The following CAMK2D variants were observed in gnomAD, a reference collection of about 807,000 sequenced individuals.
CAMK2D encodes calcium/calmodulin-dependent protein kinase type II subunit delta.
In CAMK2D, 37 loss-of-function variants were observed where a neutral mutation model predicts 84.0. That is an observed-to-expected ratio of 0.44 (90% CI 0.34 to 0.58). CAMK2D has a LOEUF of 0.58. Ranked by LOEUF, CAMK2D falls within the 20% of genes least tolerant of loss-of-function variation. The pLI is 0.02. For missense variants in CAMK2D, 448 were observed against 652.5 expected (o/e 0.69, Z 3.41); for synonymous variants, 202 against 212.5 (o/e 0.95, Z 0.43).
chr4:113,552,199 T>TA, intron 4 of CAMK2D, 103 bp from the exon 5 acceptor site: 10 of 613,932 alleles, frequency 1.6e-5, no homozygotes, highest in Middle Eastern at 3.7e-4. Flanking sequence ...TTAGATGATT[T>TA]AAAAAAAATC....
chr4:113,710,253 C>T (rs987890855), intron 2 of CAMK2D, among the ~76,000 whole-genome samples: 2 of 152,096 alleles, frequency 1.3e-5, no homozygotes, highest in Admixed American at 1.3e-4. Context: ...TCATCACTAA[C>T]CAGCCCAGTG....
At chr4:113,653,985 G>A (rs984316362) in intron 3 of CAMK2D, among the ~76,000 whole-genome samples, 8 of 151,946 alleles carry the variant, frequency 5.3e-5, no homozygotes, top group African/African-American at 1.4e-4. Flanking sequence ...GTATTTGAGC[G>A]AAAAATTTCT....
rs1346061472 is a variant in CAMK2D, at chr4:113,493,274, C to A, written c.1135+7189G>T. ...ACATTTAGGCATGATTTTGCAGTGG[C>A]TGGTACCGGTTGTTCCTTTCCATGT... On this transcript the variant is annotated intron_variant, in intron 16 of 20. Coordinates refer to ENST00000511664, the MANE Select transcript of CAMK2D (RefSeq NM_001321571.2). 3.3e-5 allele frequency among the ~76,000 whole-genome samples: 5 copies of A among 152,060 alleles called. No individual in the cohort carries two copies. In the East Asian group the frequency reaches 7.7e-4, roughly 23 times the overall value.
intron 8 of CAMK2D, among the ~76,000 whole-genome samples, chr4:113,527,914 T>C (rs991706000): frequency 2.6e-5 from 4 of 152,146 alleles, no homozygotes; most frequent in Non-Finnish European, 5.9e-5. Flanking sequence ...ATTTGAAACA[T>C]GAAAAAATGT....
chr4:113,628,824 C>G (rs2099077812), intron 3 of CAMK2D, among the ~76,000 whole-genome samples: 1 of 151,598 alleles, frequency 6.6e-6, no homozygotes, highest in African/African-American at 2.4e-5. Flanking sequence ...TTTTTAATAT[C>G]TCCTAAACAA....
At chr4:113,473,502 T>A (rs575478233) in intron 16 of CAMK2D, among the ~76,000 whole-genome samples, 41 of 152,348 alleles carry the variant, frequency 2.7e-4, no homozygotes, top group African/African-American at 9.9e-4. Flanking sequence ...TTTAATATTT[T>A]ATTCAAATAT....
chr4:113,553,414 T>C (rs2098643616), intron 4 of CAMK2D, among the ~76,000 whole-genome samples: 1 of 152,224 alleles, frequency 6.6e-6, no homozygotes, highest in Non-Finnish European at 1.5e-5. Context: ...TAGAGTGAGA[T>C]AAAAGGATGC....
At chr4:113,576,561 T>C (rs1219685453) in intron 4 of CAMK2D, among the ~76,000 whole-genome samples, 4 of 152,136 alleles carry the variant, frequency 2.6e-5, no homozygotes, top group Non-Finnish European at 4.4e-5. Context: ...ATACAGACGA[T>C]AGAAACATAC....
intron 4 of CAMK2D, among the ~76,000 whole-genome samples, chr4:113,580,443 T>G (rs917641894): frequency 6.6e-6 from 1 of 152,216 alleles, no homozygotes; most frequent in Non-Finnish European, 1.5e-5. Context: ...ACTGATTCAG[T>G]AAGATGTACC....
chr4:113,690,226 AC>A (rs758555334), intron 2 of CAMK2D, among the ~76,000 whole-genome samples: 1 of 152,164 alleles, frequency 6.6e-6, no homozygotes, highest in Non-Finnish European at 1.5e-5. Flanking sequence ...CTCCAATGCA[AC>A]CCTACCTCCA....
At chr4:113,479,872 G>A (rs574643929) in intron 16 of CAMK2D, among the ~76,000 whole-genome samples, 1 of 152,262 alleles carries the variant, frequency 6.6e-6, no homozygotes, top group South Asian at 2.1e-4. Flanking sequence ...TATTCAACAT[G>A]AGTATGCTCT....
chr4:113,613,742 A>T (rs939675537), intron 3 of CAMK2D, among the ~76,000 whole-genome samples: 1 of 152,120 alleles, frequency 6.6e-6, no homozygotes, highest in African/African-American at 2.4e-5. Flanking sequence ...TGTACCAAAA[A>T]TGCTAGCAAG....
chr4:113,723,225 CTT>C (rs869114577), intron 2 of CAMK2D, among the ~76,000 whole-genome samples: 17 of 140,354 alleles, frequency 1.2e-4, no homozygotes, highest in Admixed American at 2.9e-4. Flanking sequence ...CCAAAAATAA[CTT>C]TTTTTTTTTT....
chr4:113,516,663 C>T (rs1195508820), intron 9 of CAMK2D, among the ~76,000 whole-genome samples: 11 of 152,138 alleles, frequency 7.2e-5, no homozygotes, highest in African/African-American at 2.7e-4. Flanking sequence ...GAAGAGTTCA[C>T]GAGACATTAT....
intron 2 of CAMK2D, among the ~76,000 whole-genome samples, chr4:113,686,376 G>A (rs1359530177): frequency 1.3e-5 from 2 of 152,006 alleles, no homozygotes; most frequent in African/African-American, 4.8e-5. Flanking sequence ...AAAGGTACAG[G>A]GACATACCTA....
In CAMK2D at chr4:113,725,307, T is replaced by C. The variant is rs116383426; in HGVS notation, c.160+34013A>G. On this transcript the variant is annotated intron_variant, in intron 2 of 20. Coordinates refer to ENST00000511664, the MANE Select transcript of CAMK2D (RefSeq NM_001321571.2). ...GTAAAGATACACAGTTTACTACTAA[T>C]AGATAACCAGCAACTATTTTTGCAG... is the stretch of plus-strand genomic sequence containing the variant. Among the ~76,000 whole-genome samples the C allele has an allele frequency of 7.4e-3, 1,134 of 152,238 alleles. 8 individuals are homozygous for C. The highest frequency in any genetic ancestry group is 0.012 in the Non-Finnish European group (788 of 67,938).
intron 3 of CAMK2D, among the ~76,000 whole-genome samples, chr4:113,634,409 A>G (rs2099102047): frequency 6.6e-6 from 1 of 152,210 alleles, no homozygotes; most frequent in African/African-American, 2.4e-5. Context: ...TGACCCACCA[A>G]TAAAATGAAG....
intron 2 of CAMK2D, among the ~76,000 whole-genome samples, chr4:113,703,509 G>C (rs568483960): frequency 6.6e-6 from 1 of 152,130 alleles, no homozygotes; most frequent in African/African-American, 2.4e-5. Flanking sequence ...TATTTGTAGA[G>C]ATGCGGTATT....
intron 12 of CAMK2D, 105 bp downstream of exon 12, chr4:113,513,223 G>A (rs1590476340): frequency 1.9e-6 from 3 of 1,566,068 alleles, no homozygotes; most frequent in Non-Finnish European, 2.6e-6. Context: ...CCTGAACAAT[G>A]AAGTTTTTCT....
Sources: gnomAD v4.1 joint callset for allele counts (sites outside exome capture counted in the v4.1 genomes callset) on GRCh38, gnomAD v4.1.1 for gene constraint, MANE v1.5 for transcripts, NCBI Gene and HGNC (gene_info 2026-07-23, HGNC 2026-07-21) for gene names.